Variants in CD226 observed in about 807,000 individuals in gnomAD.
CD226 encodes CD226 molecule, also known as CD226 antigen.
Under a neutral mutation model 34.9 loss-of-function variants are expected in CD226, and 24 were observed. That is an observed-to-expected ratio of 0.69 (90% CI 0.50 to 0.97). The LOEUF (loss-of-function observed/expected upper bound fraction) is 0.97, where lower values mean the gene tolerates loss of function less well. Ranked by LOEUF, CD226 falls within the 50% of genes least tolerant of loss-of-function variation. CD226 has a pLI of 0.00. For synonymous variants in CD226, 148 were observed against 147.4 expected, an observed-to-expected ratio of 1.00 and a Z score of -0.03; for missense variants, 397 against 412.7, an observed-to-expected ratio of 0.96 and a Z score of 0.33.
At chr18:69,934,433 A>C (rs563379497) in intron 2 of CD226, among the ~76,000 whole-genome samples, 3 of 152,288 alleles carry the variant, frequency 2.0e-5, no homozygotes, top group African/African-American at 7.2e-5. Context: ...CTAAAATGAG[A>C]ATGTTAAGTT....
rs1982703131 is a variant in CD226, at chr18:69,859,166, C to T, written c.*5148G>A. 1 of 152,080 alleles carries T rather than the reference C, an allele frequency of 6.6e-6. No individual in the cohort carries two copies. The highest frequency in any genetic ancestry group is 2.4e-5 in the African/African-American group (1 of 41,410). The allele number at this position is 152,080 out of a possible 1,614,324, so 9.4% of individuals were successfully genotyped here. A position where few individuals can be genotyped will look rare whatever the true frequency, so the allele number is the denominator to read the frequency against. ...ATTCTAGGTTTCATGTATTCCTCCCCCTTTTTCTGGATGAAGGGAGACACC... is the reference window on the plus strand; with the variant it reads ...ATTCTAGGTTTCATGTATTCCTCCCTCTTTTTCTGGATGAAGGGAGACACC... On this transcript the variant is annotated 3_prime_UTR_variant, in exon 6 of 6. Coordinates refer to ENST00000582621, the MANE Select transcript of CD226 (RefSeq NM_001303618.2).
At chr18:69,882,152 A>G (rs554628908) in intron 3 of CD226, among the ~76,000 whole-genome samples, 1 of 152,350 alleles carries the variant, frequency 6.6e-6, no homozygotes, top group South Asian at 2.1e-4. Flanking sequence ...TTCTGTCATT[A>G]TAGAGCAAAC....
chr18:69,897,277 T>C (rs1285748061), intron 2 of CD226, among the ~76,000 whole-genome samples: 1 of 152,190 alleles, frequency 6.6e-6, no homozygotes, highest in Non-Finnish European at 1.5e-5. Context: ...TCAGTAATTT[T>C]TAAAATAGCA....
At position 69,946,702 on chromosome 18, in the gene CD226, G is replaced by A. The variant is rs182971782; in HGVS notation, c.382+32C>T. On this transcript the variant is annotated intron_variant, in intron 2 of 5. Coordinates refer to ENST00000582621, the MANE Select transcript of CD226 (RefSeq NM_001303618.2). The stretch of plus-strand genomic sequence containing the variant: ...AATAAATGTTGTAAGTGGATAAAAA[G>A]GGATTTAAAAAAAAAAAAAACTTGC... 1,149 of 1,396,994 alleles carry A rather than the reference G, an allele frequency of 8.2e-4. 25 individuals are homozygous for A. The Admixed American group carries it at 0.024, about 29-fold the overall frequency. 86.5% of individuals were successfully genotyped at this position (1,396,994 alleles called of 1,614,324 possible).
chr18:69,936,354 A>C (rs1447551000), intron 2 of CD226, among the ~76,000 whole-genome samples: 1 of 152,210 alleles, frequency 6.6e-6, no homozygotes, highest in African/African-American at 2.4e-5. Flanking sequence ...GGATAAAAAC[A>C]ACCTTGGCAC....
intron 2 of CD226, among the ~76,000 whole-genome samples, chr18:69,918,379 C>G (rs901332846): frequency 1.3e-5 from 2 of 151,992 alleles, no homozygotes; most frequent in Non-Finnish European, 2.9e-5. Context: ...ATCATGAAAC[C>G]CCATCACTAC....
chr18:69,905,432 G>C (rs114037492), intron 2 of CD226, among the ~76,000 whole-genome samples: 2 of 152,188 alleles, frequency 1.3e-5, no homozygotes, highest in African/African-American at 2.4e-5. Flanking sequence ...TCCCACAGGA[G>C]AGTGGCCAGC....
At position 69,920,085 on chromosome 18, in the gene CD226, G is replaced by A. The variant is rs142136704; in HGVS notation, c.383-24040C>T. Among the ~76,000 whole-genome samples the A allele has an allele frequency of 8.6e-5, 13 of 152,020 alleles. No individual in the cohort carries two copies. In the East Asian group the frequency reaches 1.7e-3, roughly 20 times the overall value. On this transcript the variant is annotated intron_variant, in intron 2 of 5. Transcript: ENST00000582621. Reference sequence around the variant, plus strand: ...TTGCCAAGTTGCCCAGGCTGGTCTCGAACTCTAGGATCAAGGGATCTGCCT... The same window carrying A: ...TTGCCAAGTTGCCCAGGCTGGTCTCAAACTCTAGGATCAAGGGATCTGCCT...
intron 3 of CD226, among the ~76,000 whole-genome samples, chr18:69,874,835 CT>C (rs1049220926): frequency 6.6e-6 from 1 of 152,118 alleles, no homozygotes; most frequent in Non-Finnish European, 1.5e-5. Context: ...AAAATTTTTT[CT>C]TTTTGTGTCT....
chr18:69,958,032 G>GT (rs1280794277), upstream of CD226, among the ~76,000 whole-genome samples: 1 of 152,130 alleles, frequency 6.6e-6, no homozygotes, highest in Non-Finnish European at 1.5e-5. Context: ...TGCACGTGGA[G>GT]TTTCCTCACC....
At chr18:69,867,280 A>G (rs1568154950) in intron 5 of CD226, 77 bp downstream of exon 5, 1 of 910,952 alleles carries the variant, frequency 1.1e-6, no homozygotes, top group African/African-American at 1.6e-5. Flanking sequence ...AAAATATAAG[A>G]TTGCTAACTG....
intron 2 of CD226, among the ~76,000 whole-genome samples, chr18:69,939,093 G>A (rs1419522397): frequency 2.0e-5 from 3 of 152,012 alleles, no homozygotes; most frequent in Admixed American, 2.0e-4. Context: ...CTCAAAAAAG[G>A]AAAAGAAAAA....
chr18:69,939,270 T>C (rs2055693606), intron 2 of CD226, among the ~76,000 whole-genome samples: 1 of 152,262 alleles, frequency 6.6e-6, no homozygotes, highest in African/African-American at 2.4e-5. Context: ...TGCTTTTCTT[T>C]ATAGTTTTAC....
At chr18:69,886,656 A>C (rs935291866) in intron 3 of CD226, among the ~76,000 whole-genome samples, 1 of 152,132 alleles carries the variant, frequency 6.6e-6, no homozygotes. Flanking sequence ...CAGTGAGCCG[A>C]GATCGTGCCA....
chr18:69,888,946 C>T (rs967866384), intron 3 of CD226, among the ~76,000 whole-genome samples: 1 of 151,924 alleles, frequency 6.6e-6, no homozygotes, highest in Non-Finnish European at 1.5e-5. Context: ...TGACTGCAGG[C>T]AAACATTCTA....
At chr18:69,951,463 T>C (rs1368527027), upstream of CD226, among the ~76,000 whole-genome samples, 1 of 152,166 alleles carries the variant, frequency 6.6e-6, no homozygotes, top group African/African-American at 2.4e-5. Flanking sequence ...AATGCTGTCC[T>C]GGTTACCACA....
intron 5 of CD226, 51 bp from the exon 6 acceptor site, chr18:69,864,490 C>G: frequency 6.3e-7 from 1 of 1,579,612 alleles, no homozygotes; most frequent in Non-Finnish European, 8.6e-7. Flanking sequence ...ATTTCAACAA[C>G]TAATGAAGAC....
At chr18:69,911,964 C>T (rs2145288118) in intron 2 of CD226, among the ~76,000 whole-genome samples, 1 of 152,256 alleles carries the variant, frequency 6.6e-6, no homozygotes, top group Admixed American at 6.5e-5. Context: ...CAGCTGAATA[C>T]AGTAAATCTT....
chr18:69,941,352 C>G (rs1020716266), intron 2 of CD226, among the ~76,000 whole-genome samples: 4 of 152,198 alleles, frequency 2.6e-5, no homozygotes, highest in Non-Finnish European at 5.9e-5. Context: ...TTGCACCATG[C>G]AACTGGAGAA....
Sources: gnomAD v4.1 joint callset for allele counts (sites outside exome capture counted in the v4.1 genomes callset) on GRCh38, gnomAD v4.1.1 for gene constraint, MANE v1.5 for transcripts, NCBI Gene and HGNC (gene_info 2026-07-23, HGNC 2026-07-21) for gene names.